Variants in UBXN2A observed in about 807,000 individuals in gnomAD.
The protein encoded by UBXN2A is UBX domain protein 2A.
A neutral mutation model predicts 28.4 loss-of-function variants in UBXN2A; 28 were observed. The ratio of observed to expected loss-of-function variants is 0.99; its 90% CI spans 0.73 to 1.35. UBXN2A has a LOEUF of 1.35. Ranked by LOEUF, UBXN2A falls within the 40% of genes most tolerant of loss-of-function variation. The pLI is 0.00. For synonymous variants in UBXN2A, 97 were observed against 103.6 expected (o/e 0.94, Z 0.39); for missense variants, 253 against 297.9 (o/e 0.85, Z 1.11).
chr2:23,989,306 CTT>C (rs78978613), intron 6 of UBXN2A, among the ~76,000 whole-genome samples: 42 of 137,002 alleles, frequency 3.1e-4, no homozygotes, highest in Admixed American at 5.2e-4. Context: ...GTATTTATTC[CTT>C]TTTTTTTTTT....
chr2:23,954,107 G>A (rs778947399), intron 1 of UBXN2A, among the ~76,000 whole-genome samples: 1 of 152,058 alleles, frequency 6.6e-6, no homozygotes, highest in Non-Finnish European at 1.5e-5. Flanking sequence ...CCGCCTCCCG[G>A]GTACAAGTGA....
intron 1 of UBXN2A, among the ~76,000 whole-genome samples, chr2:23,949,154 G>GT (rs1706241529): frequency 6.9e-6 from 1 of 144,056 alleles, no homozygotes; most frequent in African/African-American, 2.6e-5. Flanking sequence ...TAGAGACGGA[G>GT]TTTCACCATG....
At chr2:23,985,841 T>G (rs531644110) in intron 6 of UBXN2A, among the ~76,000 whole-genome samples, 1 of 152,038 alleles carries the variant, frequency 6.6e-6, no homozygotes, top group South Asian at 2.1e-4. Context: ...ACAAAAAAAT[T>G]TTTTTAAATT....
intron 6 of UBXN2A, among the ~76,000 whole-genome samples, chr2:23,992,442 C>T (rs1708387883): frequency 1.3e-5 from 2 of 152,182 alleles, no homozygotes; most frequent in African/African-American, 2.4e-5. Context: ...TTAGCCTGTT[C>T]GTTCAGATTC....
intron 6 of UBXN2A, among the ~76,000 whole-genome samples, chr2:23,992,443 G>A (rs1228283604): frequency 6.6e-6 from 1 of 152,188 alleles, no homozygotes; most frequent in Non-Finnish European, 1.5e-5. Context: ...TAGCCTGTTC[G>A]TTCAGATTCT....
rs946421045 is a variant in UBXN2A at position 24,002,794 on chromosome 2, T to G, written c.*2927T>G. On this transcript the variant is annotated 3_prime_UTR_variant, in exon 7 of 7. Transcript: ENST00000309033. ...GAATTACTTTCTGTCATAAAGAAGA[T>G]AGATGGGTTCTCATGTCTTCTACAT... 1.6e-4 allele frequency: 24 copies of G among 152,238 alleles called. No homozygotes were observed. Among genetic ancestry groups the G allele is most frequent in the African/African-American group, 5.8e-4 (24 of 41,462 alleles). 9.4% of individuals were successfully genotyped at this position (152,238 alleles called of 1,614,324 possible).
intron 1 of UBXN2A, among the ~76,000 whole-genome samples, chr2:23,951,433 T>C (rs1443499408): frequency 5.3e-5 from 2 of 37,908 alleles, no homozygotes; most frequent in Non-Finnish European, 1.1e-4. Context: ...TATATATATA[T>C]ATATATATAT....
intron 2 of UBXN2A, among the ~76,000 whole-genome samples, chr2:23,962,002 G>A (rs1706947085): frequency 6.6e-6 from 1 of 151,862 alleles, no homozygotes; most frequent in South Asian, 2.1e-4. Context: ...CCACCACCAT[G>A]CCTGGCTAAT....
intron 3 of UBXN2A, among the ~76,000 whole-genome samples, chr2:23,973,895 G>A (rs1707531799): frequency 6.6e-6 from 1 of 152,126 alleles, no homozygotes; most frequent in Non-Finnish European, 1.5e-5. Flanking sequence ...CTCCCAAAGT[G>A]CTGGGATTAC....
chr2:23,944,981 G>T (rs1313952281), intron 1 of UBXN2A, among the ~76,000 whole-genome samples: 1 of 151,842 alleles, frequency 6.6e-6, no homozygotes, highest in African/African-American at 2.4e-5. Context: ...ATATATTAAA[G>T]TTTTTTTTCT....
chr2:23,954,345 A>C (rs974448150), intron 1 of UBXN2A, among the ~76,000 whole-genome samples: 1 of 152,240 alleles, frequency 6.6e-6, no homozygotes, highest in Admixed American at 6.6e-5. Flanking sequence ...AGTATGTATC[A>C]GAATTTCACT....
intron 6 of UBXN2A, among the ~76,000 whole-genome samples, chr2:23,996,109 A>G (rs1301036284): frequency 7.1e-6 from 1 of 139,990 alleles, no homozygotes; most frequent in Admixed American, 7.3e-5. Context: ...CTCTGTCGCC[A>G]AGGCTGGAGT....
intron 2 of UBXN2A, among the ~76,000 whole-genome samples, chr2:23,966,296 T>A (rs1468844648): frequency 7.0e-5 from 10 of 143,590 alleles, no homozygotes; most frequent in South Asian, 2.2e-4. Context: ...ATGCCACCAC[T>A]CCAGCTAATT....
intron 1 of UBXN2A, among the ~76,000 whole-genome samples, chr2:23,931,706 CTTT>C (rs1558830146): frequency 6.6e-6 from 1 of 152,096 alleles, no homozygotes; most frequent in African/African-American, 2.4e-5. Flanking sequence ...TGAATTTGAC[CTTT>C]TCTCTGCGTG....
intron 3 of UBXN2A, among the ~76,000 whole-genome samples, chr2:23,974,021 T>TTC (rs1707538959): frequency 6.6e-6 from 1 of 150,884 alleles, no homozygotes; most frequent in South Asian, 2.1e-4. Context: ...GATTAATTTT[T>TTC]TTTTTTTTTT....
At chr2:23,942,183 G>T (rs1705795348) in intron 1 of UBXN2A, among the ~76,000 whole-genome samples, 1 of 152,166 alleles carries the variant, frequency 6.6e-6, no homozygotes, top group Non-Finnish European at 1.5e-5. Context: ...GTAACAGGGG[G>T]ACTTATCCAA....
chr2:23,998,489 G>A (rs905633857), intron 6 of UBXN2A, among the ~76,000 whole-genome samples: 1 of 152,168 alleles, frequency 6.6e-6, no homozygotes, highest in Non-Finnish European at 1.5e-5. Flanking sequence ...AGAGGCTTAA[G>A]CGGGTGGATC....
At chr2:23,930,851 T>C (rs1364451020) in intron 1 of UBXN2A, among the ~76,000 whole-genome samples, 1 of 151,642 alleles carries the variant, frequency 6.6e-6, no homozygotes. Flanking sequence ...AGACCCCATC[T>C]CTATAAATTA....
intron 1 of UBXN2A, among the ~76,000 whole-genome samples, chr2:23,951,196 T>G (rs10167434): frequency 0.011 from 1,612 of 151,810 alleles, 26 homozygotes; most frequent in African/African-American, 0.037. Flanking sequence ...TTATTTTGAA[T>G]TAGTTGAAAA....
Sources: gnomAD v4.1 joint callset for allele counts (sites outside exome capture counted in the v4.1 genomes callset) on GRCh38, gnomAD v4.1.1 for gene constraint, MANE v1.5 for transcripts, NCBI Gene and HGNC (gene_info 2026-07-23, HGNC 2026-07-21) for gene names.